LRRC4C: variants seen among roughly 807,000 people sequenced by gnomAD.
LRRC4C encodes leucine-rich repeat-containing protein 4C.
In LRRC4C, 5 loss-of-function variants were observed where a neutral mutation model predicts 33.6. The ratio of observed to expected loss-of-function variants is 0.15; its 90% confidence interval spans 0.08 to 0.31. The LOEUF (loss-of-function observed/expected upper bound fraction) is 0.31. Ranked by LOEUF, LRRC4C falls within the 10% of genes least tolerant of loss-of-function variation. The pLI, the probability that LRRC4C is intolerant of heterozygous loss-of-function variation, is 1.00. For synonymous variants in LRRC4C, 329 were observed against 302.0 expected, an observed-to-expected ratio of 1.09 and a Z score of -0.93; for missense variants, 560 against 796.7, an observed-to-expected ratio of 0.70 and a Z score of 3.58.
intron 1 of LRRC4C, among the ~76,000 whole-genome samples, chr11:41,181,390 C>T (rs147710591): frequency 1.1e-4 from 17 of 152,204 alleles, no homozygotes; most frequent in East Asian, 1.9e-4. Flanking sequence ...AGGCATCCAA[C>T]GCCATATTCT....
chr11:41,060,055 A>C (rs1374015867), intron 1 of LRRC4C, among the ~76,000 whole-genome samples: 2 of 152,152 alleles, frequency 1.3e-5, no homozygotes, highest in Non-Finnish European at 2.9e-5. Flanking sequence ...TGAGTGTAGC[A>C]AATAAGAATG....
At chr11:40,554,075 C>A (rs992193649) in intron 3 of LRRC4C, among the ~76,000 whole-genome samples, 1 of 152,058 alleles carries the variant, frequency 6.6e-6, no homozygotes, top group Non-Finnish European at 1.5e-5. Flanking sequence ...AGTTTGAGGT[C>A]CTACATTTAA....
rs145239294 is a variant in LRRC4C at position 41,155,198 on chromosome 11, C to T, written c.-495-221475G>A. Among the ~76,000 whole-genome samples, 17 of 152,176 alleles carry T rather than the reference C, an allele frequency of 1.1e-4. No homozygotes were observed. In the East Asian group the frequency reaches 3.3e-3, roughly 29 times the overall value. The stretch of plus-strand genomic sequence containing the variant: ...ACTCACAGTTTGGGTGCATGTTTTG[C>T]TTAATTCCAACATCCTTATGGGACA... On this transcript the variant is annotated intron_variant, in intron 1 of 6. Coordinates refer to ENST00000528697, the MANE Select transcript of LRRC4C (RefSeq NM_001258419.2).
chr11:41,297,030 C>T (rs1422345234), intron 1 of LRRC4C, among the ~76,000 whole-genome samples: 1 of 152,060 alleles, frequency 6.6e-6, no homozygotes, highest in South Asian at 2.1e-4. Context: ...CCCATAAATG[C>T]CCTTTATTAT....
At chr11:40,221,939 C>T (rs545533239) in intron 5 of LRRC4C, among the ~76,000 whole-genome samples, 2 of 152,128 alleles carry the variant, frequency 1.3e-5, no homozygotes, top group South Asian at 4.1e-4. Context: ...CTCGTCGATG[C>T]CCTCGGCTGA....
chr11:40,787,022 C>T (rs1950437901), intron 2 of LRRC4C, among the ~76,000 whole-genome samples: 3 of 152,146 alleles, frequency 2.0e-5, no homozygotes, highest in Admixed American at 2.0e-4. Context: ...GTCAGAAGAG[C>T]AGACAGGCAA....
At chr11:41,399,843 A>C (rs1953960407) in intron 1 of LRRC4C, among the ~76,000 whole-genome samples, 2 of 151,970 alleles carry the variant, frequency 1.3e-5, no homozygotes, top group African/African-American at 2.4e-5. Flanking sequence ...CAGAATAACC[A>C]TGTTCCTTTT....
chr11:40,712,889 TTTC>T (rs1697601456), intron 2 of LRRC4C, among the ~76,000 whole-genome samples: 2 of 151,888 alleles, frequency 1.3e-5, no homozygotes, highest in South Asian at 4.1e-4. Context: ...TCTTTCTTTC[TTTC>T]TTTTTTTTTT....
At chr11:41,231,264 G>C (rs911789986) in intron 1 of LRRC4C, among the ~76,000 whole-genome samples, 3 of 152,046 alleles carry the variant, frequency 2.0e-5, no homozygotes, top group African/African-American at 7.2e-5. Flanking sequence ...CCATTACTGG[G>C]TATATACCCA....
At chr11:40,704,631 C>T (rs1228579924) in intron 2 of LRRC4C, among the ~76,000 whole-genome samples, 1 of 152,112 alleles carries the variant, frequency 6.6e-6, no homozygotes, top group Non-Finnish European at 1.5e-5. Flanking sequence ...AATAATCTCT[C>T]CGGACCTCAG....
chr11:40,357,712 G>A (rs1289846708), intron 3 of LRRC4C, among the ~76,000 whole-genome samples: 1 of 151,820 alleles, frequency 6.6e-6, no homozygotes, highest in Non-Finnish European at 1.5e-5. Flanking sequence ...AGTCATGGAG[G>A]TATATTCAAA....
chr11:40,401,667 C>T (rs1949764509), intron 3 of LRRC4C, among the ~76,000 whole-genome samples: 1 of 152,088 alleles, frequency 6.6e-6, no homozygotes, highest in Non-Finnish European at 1.5e-5. Flanking sequence ...GGGGAATATT[C>T]CACATGAGTG....
chr11:40,250,654 G>A (rs1458160992), intron 4 of LRRC4C, among the ~76,000 whole-genome samples: 8 of 152,082 alleles, frequency 5.3e-5, no homozygotes, highest in East Asian at 1.9e-4. Context: ...CAGGAGAATC[G>A]CTTGAACCCA....
intron 3 of LRRC4C, among the ~76,000 whole-genome samples, chr11:40,535,778 T>C (rs1298917331): frequency 1.3e-5 from 2 of 152,202 alleles, no homozygotes; most frequent in African/African-American, 4.8e-5. Flanking sequence ...TTAGTATAAA[T>C]GATAAGGTGA....
intron 3 of LRRC4C, among the ~76,000 whole-genome samples, chr11:40,555,710 C>G (rs1436417104): frequency 6.6e-6 from 1 of 152,038 alleles, no homozygotes; most frequent in Non-Finnish European, 1.5e-5. Flanking sequence ...AAAAAAGGAC[C>G]GTGTATATTT....
intron 2 of LRRC4C, among the ~76,000 whole-genome samples, chr11:40,669,600 C>T (rs952844565): frequency 6.6e-6 from 1 of 152,176 alleles, no homozygotes; most frequent in Admixed American, 6.5e-5. Context: ...GATCTTTAAT[C>T]AGCACTTGTG....
intron 3 of LRRC4C, among the ~76,000 whole-genome samples, chr11:40,381,152 A>G (rs752793212): frequency 6.6e-6 from 1 of 152,074 alleles, no homozygotes; most frequent in Admixed American, 6.6e-5. Flanking sequence ...TTCGACCTAG[A>G]CAAAGAATTA....
chr11:41,202,879 G>A (rs1183910791), intron 1 of LRRC4C, among the ~76,000 whole-genome samples: 2 of 151,490 alleles, frequency 1.3e-5, no homozygotes, highest in African/African-American at 4.8e-5. Context: ...TCCGCCTCCC[G>A]GGTCCAAGCG....
chr11:41,395,118 G>A (rs546358048), intron 1 of LRRC4C, among the ~76,000 whole-genome samples: 1 of 149,140 alleles, frequency 6.7e-6, no homozygotes, highest in East Asian at 1.9e-4. Context: ...TTCTGATGAA[G>A]CAGGGTACAG....
Sources: allele counts gnomAD v4.1 joint callset (sites outside exome capture counted in the v4.1 genomes callset), GRCh38; gene constraint gnomAD v4.1.1; transcripts MANE v1.5; gene names NCBI Gene and HGNC (gene_info 2026-07-23, HGNC 2026-07-21).